MYO9A: variants seen among roughly 807,000 people sequenced by gnomAD.
MYO9A encodes unconventional myosin-IXa.
Under a neutral mutation model 293.3 loss-of-function variants are expected in MYO9A, and 103 were observed. That is an observed-to-expected ratio of 0.35 (90% CI 0.30 to 0.41). The LOEUF (loss-of-function observed/expected upper bound fraction) is 0.41. Ranked by LOEUF, MYO9A falls within the 10% of genes least tolerant of loss-of-function variation. The pLI is 1.00. For missense variants in MYO9A, 2,685 were observed against 3,033.0 expected, an observed-to-expected ratio of 0.89 and a Z score of 2.69; for synonymous variants, 1,001 against 1,035.7, an observed-to-expected ratio of 0.97 and a Z score of 0.64.
chr15:71,905,762 C>CAAAAAAAAAAA (rs3086807), intron 19 of MYO9A, among the ~76,000 whole-genome samples: 1 of 71,894 alleles, frequency 1.4e-5, no homozygotes, highest in African/African-American at 6.0e-5. Flanking sequence ...GACTCTGTCT[C>CAAAAAAAAAAA]AAAAAAAAAA....
intron 1 of MYO9A, among the ~76,000 whole-genome samples, chr15:72,089,383 A>T (rs1263824311): frequency 1.3e-5 from 2 of 151,838 alleles, no homozygotes; most frequent in Non-Finnish European, 2.9e-5. Context: ...GCTGGTCTTG[A>T]ACTCCTGAGC....
chr15:71,853,055 T>C (rs147636145), intron 35 of MYO9A, among the ~76,000 whole-genome samples: 1,793 of 152,278 alleles, frequency 0.012, 57 homozygotes, highest in Admixed American at 0.058. Flanking sequence ...GGTCACACCA[T>C]TGTACTACAG....
At chr15:71,899,392 G>C (rs2057419667) in intron 24 of MYO9A, among the ~76,000 whole-genome samples, 1 of 152,158 alleles carries the variant, frequency 6.6e-6, no homozygotes, top group African/African-American at 2.4e-5. Context: ...GTTTCTGAAA[G>C]TAACAACAGT....
rs11451154 is a variant in MYO9A, at chr15:72,093,899, T to TAA, written c.-72+23779_-72+23780dup. On this transcript the variant is annotated intron_variant, in intron 1 of 41. Coordinates refer to ENST00000356056, the MANE Select transcript of MYO9A (RefSeq NM_006901.4). Reference sequence around the variant, plus strand: ...GAGACTCCATCTCAAAAAAATTAAATAAAAAAAACCACACAAATAAAAAAT... The same window carrying TAA: ...GAGACTCCATCTCAAAAAAATTAAATAAAAAAAAAACCACACAAATAAAAAAT... Among the ~76,000 whole-genome samples, 31 of 85,452 alleles carry TAA rather than the reference T, an allele frequency of 3.6e-4. 5 individuals carry two copies. The highest frequency in any genetic ancestry group is 6.7e-4 in the African/African-American group (25 of 37,202). 56.1% of individuals were successfully genotyped at this position (85,452 alleles called of 152,430 possible).
At chr15:72,058,754 G>A (rs2078794602) in intron 1 of MYO9A, among the ~76,000 whole-genome samples, 1 of 152,136 alleles carries the variant, frequency 6.6e-6, no homozygotes. Context: ...GTTCAGAATA[G>A]GCCAGCTTAT....
intron 1 of MYO9A, among the ~76,000 whole-genome samples, chr15:72,065,542 C>G (rs2078996469): frequency 6.7e-6 from 1 of 148,756 alleles, no homozygotes; most frequent in Admixed American, 6.7e-5. Flanking sequence ...AGAATATTTA[C>G]ATGAACCTAG....
intron 11 of MYO9A, among the ~76,000 whole-genome samples, chr15:71,990,243 T>G (rs895093193): frequency 9.2e-5 from 14 of 151,544 alleles, no homozygotes; most frequent in African/African-American, 3.1e-4. Context: ...CAATACCACA[T>G]CTGGTTAATT....
chr15:72,066,588 T>C (rs550817050), intron 1 of MYO9A, among the ~76,000 whole-genome samples: 1 of 152,230 alleles, frequency 6.6e-6, no homozygotes, highest in East Asian at 1.9e-4. Flanking sequence ...CATAAATCTA[T>C]GGATACAGAC....
chr15:71,950,571 A>G (rs1186380469), intron 15 of MYO9A, among the ~76,000 whole-genome samples: 2 of 152,264 alleles, frequency 1.3e-5, no homozygotes, highest in Non-Finnish European at 2.9e-5. Flanking sequence ...CTTAGAAACA[A>G]CAGCAACAAT....
intron 2 of MYO9A, chr15:72,036,710 T>C (rs2078059060): frequency 6.6e-6 from 1 of 152,160 alleles, no homozygotes; most frequent in African/African-American, 2.4e-5. Context: ...TGTGTGTATG[T>C]ATGTTTTGTT....
intron 8 of MYO9A, among the ~76,000 whole-genome samples, chr15:72,005,392 A>C (rs1009638612): frequency 6.6e-6 from 1 of 152,308 alleles, no homozygotes; most frequent in Admixed American, 6.5e-5. Flanking sequence ...GATGCACTAG[A>C]AACAGAAGCC....
intron 8 of MYO9A, among the ~76,000 whole-genome samples, chr15:72,006,462 A>G (rs966490551): frequency 6.6e-6 from 1 of 152,184 alleles, no homozygotes; most frequent in Non-Finnish European, 1.5e-5. Flanking sequence ...ATATTGCATG[A>G]TTCAATTATA....
intron 2 of MYO9A, among the ~76,000 whole-genome samples, chr15:72,039,448 T>G (rs958249622): frequency 7.2e-5 from 11 of 151,874 alleles, no homozygotes; most frequent in African/African-American, 2.7e-4. Flanking sequence ...TTATATATAT[T>G]TATAATAAAA....
intron 34 of MYO9A, 139 bp downstream of exon 34, chr15:71,859,596 T>C (rs1464917962): frequency 1.0e-5 from 6 of 602,806 alleles, no homozygotes; most frequent in Non-Finnish European, 1.7e-5. Flanking sequence ...GCATAAAACA[T>C]ATTTCTACTG....
chr15:72,009,451 G>A (rs181330713), intron 7 of MYO9A, among the ~76,000 whole-genome samples: 32 of 152,096 alleles, frequency 2.1e-4, no homozygotes, highest in Admixed American at 1.0e-3. Flanking sequence ...GAGGGCGGGC[G>A]CAGTGGCTCA....
chr15:72,001,639 A>G (rs1348368607), intron 8 of MYO9A, among the ~76,000 whole-genome samples: 4 of 152,206 alleles, frequency 2.6e-5, no homozygotes, highest in African/African-American at 9.6e-5. Flanking sequence ...CACCAACAAC[A>G]TATGATAGAT....
intron 6 of MYO9A, among the ~76,000 whole-genome samples, chr15:72,013,684 C>A (rs1390714882): frequency 6.6e-6 from 1 of 152,202 alleles, no homozygotes; most frequent in African/African-American, 2.4e-5. Flanking sequence ...TAGGATAAAC[C>A]TAGCATGGAG....
intron 1 of MYO9A, among the ~76,000 whole-genome samples, chr15:72,101,330 AG>A: frequency 7.3e-6 from 1 of 136,558 alleles, no homozygotes; most frequent in East Asian, 2.4e-4. Context: ...CCCGTCCGGG[AG>A]GGAGGTCGGG....
At chr15:72,049,190 T>C (rs2078480486) in intron 1 of MYO9A, among the ~76,000 whole-genome samples, 1 of 152,194 alleles carries the variant, frequency 6.6e-6, no homozygotes, top group Non-Finnish European at 1.5e-5. Flanking sequence ...ACTACTTTTT[T>C]AAGAGAACTA....
Sources: allele counts gnomAD v4.1 joint callset (sites outside exome capture counted in the v4.1 genomes callset), GRCh38; gene constraint gnomAD v4.1.1; transcripts MANE v1.5; gene names NCBI Gene and HGNC (gene_info 2026-07-23, HGNC 2026-07-21).